Variants in ZFHX3 observed in about 807,000 individuals in gnomAD.
ZFHX3 encodes zinc finger homeobox 3.
A neutral mutation model predicts 279.1 loss-of-function variants in ZFHX3; 42 were observed. The observed-to-expected ratio is 0.15, with a 90% CI of 0.12 to 0.19. ZFHX3 has a LOEUF of 0.19. Ranked by LOEUF, ZFHX3 falls within the 10% of genes least tolerant of loss-of-function variation. The probability of loss-of-function intolerance (pLI) is 1.00; values close to 1 mark genes in which losing one functional copy is unlikely to be tolerated. For missense variants in ZFHX3, 4,981 were observed against 4,754.0 expected, an observed-to-expected ratio of 1.05 and a Z score of -1.40; for synonymous variants, 2,293 against 1,957.8, an observed-to-expected ratio of 1.17 and a Z score of -4.52.
intron 3 of ZFHX3, among the ~76,000 whole-genome samples, chr16:73,408,829 GGAGAGGACCACAA>G (rs1379988864): frequency 6.6e-6 from 1 of 151,956 alleles, no homozygotes; most frequent in Non-Finnish European, 1.5e-5. Flanking sequence ...CTCTCCCATG[GGAGAGGACCACAA>G]GCGGCATCAA....
At chr16:73,437,879 C>A (rs1160345805) in intron 3 of ZFHX3, among the ~76,000 whole-genome samples, 1 of 152,106 alleles carries the variant, frequency 6.6e-6, no homozygotes, top group Non-Finnish European at 1.5e-5. Flanking sequence ...TATTTGCAAA[C>A]CAAAATGGTC....
At chr16:72,949,375 G>A (rs550373920) in intron 3 of ZFHX3, among the ~76,000 whole-genome samples, 1 of 152,290 alleles carries the variant, frequency 6.6e-6, no homozygotes, top group East Asian at 1.9e-4. Flanking sequence ...GGGAGTGGAA[G>A]GTGTGTGGGA....
chr16:73,031,266 A>G (rs934662592), intron 1 of ZFHX3, among the ~76,000 whole-genome samples: 4 of 151,728 alleles, frequency 2.6e-5, no homozygotes, highest in African/African-American at 9.7e-5. Context: ...AGCCGACCAA[A>G]AAAGCCTGGC....
chr16:73,595,503 T>C (rs1419598298), intron 2 of ZFHX3, among the ~76,000 whole-genome samples: 2 of 152,142 alleles, frequency 1.3e-5, no homozygotes, highest in Non-Finnish European at 2.9e-5. Flanking sequence ...ATCCTTTGCT[T>C]CCCTTCACGG....
At chr16:73,348,497 T>G (rs1298710231) in intron 3 of ZFHX3, among the ~76,000 whole-genome samples, 1 of 152,206 alleles carries the variant, frequency 6.6e-6, no homozygotes, top group Non-Finnish European at 1.5e-5. Flanking sequence ...AGTTTCACTC[T>G]CTGTCACCTT....
At chr16:73,831,609 C>G (rs1466209168) in intron 1 of ZFHX3, among the ~76,000 whole-genome samples, 2 of 152,226 alleles carry the variant, frequency 1.3e-5, no homozygotes, top group Non-Finnish European at 2.9e-5. Context: ...TTTTCTCCAT[C>G]ACACAGACAG....
At chr16:73,507,452 G>A (rs2143678581) in intron 2 of ZFHX3, among the ~76,000 whole-genome samples, 1 of 138,584 alleles carries the variant, frequency 7.2e-6, no homozygotes, top group East Asian at 2.2e-4. Context: ...ACTGGAGTCT[G>A]TACCAGAAAA....
chr16:73,333,585 A>G (rs181234101), intron 3 of ZFHX3, among the ~76,000 whole-genome samples: 2 of 152,302 alleles, frequency 1.3e-5, no homozygotes, highest in East Asian at 3.9e-4. Flanking sequence ...GGTGGGGTAT[A>G]GGATGAGTTG....
At chr16:73,225,531 A>G (rs537093560) in intron 5 of ZFHX3, among the ~76,000 whole-genome samples, 2 of 152,326 alleles carry the variant, frequency 1.3e-5, no homozygotes, top group African/African-American at 4.8e-5. Context: ...TTGAGGCTGC[A>G]GTGAGCTGTG....
At position 72,788,035 on chromosome 16, in the gene ZFHX3, G is replaced by A; in HGVS notation, c.10241C>T (p.Pro3414Leu). ...TTCTGGTTTGGGGGATTCTTTGGCA[G>A]GGTCTTTGTCTGGGGAAGGAGCCCC... ...PPGAPSPDKD[P>L]AKESPKPEEQ... is the part of the protein sequence containing the mutation. Residue 3414 changes from proline (P) to leucine (L), a missense_variant, in exon 10 of 10, where the codon CCT (proline) becomes CTT (leucine). Physicochemically the swap from Pro to Leu is moderately conservative, Grantham distance 98. This residue lies in a region of ZFHX3 where 1,034 missense variants were observed against 786.0 expected (regional missense o/e 1.32). Coordinates refer to ENST00000268489, the MANE Select transcript of ZFHX3 (RefSeq NM_006885.4). The A allele has an allele frequency of 6.2e-7, 1 of 1,613,038 alleles. No individual in the cohort carries two copies. The highest frequency in any genetic ancestry group is 8.5e-7 in the Non-Finnish European group (1 of 1,179,968).
chr16:73,534,806 G>A (rs1018514435), intron 2 of ZFHX3, among the ~76,000 whole-genome samples: 3 of 152,172 alleles, frequency 2.0e-5, no homozygotes, highest in African/African-American at 7.2e-5. Context: ...CAGATGTAAA[G>A]ACAAATGAAT....
chr16:72,957,282 C>A, intron 2 of ZFHX3, 145 bp downstream of exon 2: 1 of 928,270 alleles, frequency 1.1e-6, no homozygotes, highest in South Asian at 1.7e-5. Flanking sequence ...CTTGAGAATA[C>A]TTGATTGTAA....
intron 2 of ZFHX3, among the ~76,000 whole-genome samples, chr16:73,647,495 T>C (rs2052630880): frequency 6.6e-6 from 1 of 152,170 alleles, no homozygotes; most frequent in African/African-American, 2.4e-5. Context: ...TACTGCCATC[T>C]TAAGACATCT....
intron 1 of ZFHX3, among the ~76,000 whole-genome samples, chr16:73,762,586 T>C (rs2053881618): frequency 6.6e-6 from 1 of 152,104 alleles, no homozygotes; most frequent in South Asian, 2.1e-4. Context: ...CAAATACCCA[T>C]GAATGACAGA....
At chr16:72,844,087 G>A (rs989225109) in intron 4 of ZFHX3, among the ~76,000 whole-genome samples, 2 of 152,122 alleles carry the variant, frequency 1.3e-5, no homozygotes, top group Non-Finnish European at 2.9e-5. Context: ...AATCCCAGAA[G>A]TACTGCTCCC....
At chr16:73,670,139 T>A (rs2052888700) in intron 2 of ZFHX3, among the ~76,000 whole-genome samples, 1 of 152,222 alleles carries the variant, frequency 6.6e-6, no homozygotes, top group Non-Finnish European at 1.5e-5. Flanking sequence ...AACACTGCAC[T>A]GCTAAATATG....
intron 1 of ZFHX3, among the ~76,000 whole-genome samples, chr16:73,779,301 A>T (rs1959370535): frequency 6.6e-6 from 1 of 152,224 alleles, no homozygotes; most frequent in Admixed American, 6.5e-5. Flanking sequence ...GGAATGAAAC[A>T]CTATTCAGTT....
intron 5 of ZFHX3, among the ~76,000 whole-genome samples, chr16:73,163,545 A>C (rs1967290147): frequency 6.6e-6 from 1 of 152,252 alleles, no homozygotes; most frequent in Non-Finnish European, 1.5e-5. Context: ...TATGGCCTGC[A>C]AAAACGAAAA....
In ZFHX3 at chr16:72,894,563, CCAGT is replaced by C. The variant is rs370581509; in HGVS notation, c.3217-4605_3217-4602del. On this transcript the variant is annotated intron_variant, in intron 3 of 9. Coordinates refer to ENST00000268489, the MANE Select transcript of ZFHX3 (RefSeq NM_006885.4). The stretch of plus-strand genomic sequence containing the variant: ...AGAGGCCCATGAGCACTCCACGGGG[CCAGT>C]CAGTCAGCCAAGAACATGCCTTCCC... 4.4e-3 allele frequency among the ~76,000 whole-genome samples: 672 copies of C among 152,288 alleles called. 3 individuals are homozygous for C. Among genetic ancestry groups the C allele is most frequent in the African/African-American group, 0.015 (639 of 41,556 alleles).
Sources: gnomAD v4.1 joint callset for allele counts (sites outside exome capture counted in the v4.1 genomes callset) on GRCh38, gnomAD v4.1.1 for gene constraint, gnomAD v4.1.1 regional missense constraint, MANE v1.5 for transcripts, NCBI Gene and HGNC (gene_info 2026-07-23, HGNC 2026-07-21) for gene names.